DTX4: variants seen among roughly 807,000 people sequenced by gnomAD.
DTX4 encodes deltex E3 ubiquitin ligase 4.
DTX4 carries 28 observed loss-of-function variants against 57.6 expected under a neutral mutation model. That is an observed-to-expected ratio of 0.49 (90% CI 0.36 to 0.67). The LOEUF (loss-of-function observed/expected upper bound fraction) is 0.67, where lower values mean the gene tolerates loss of function less well. Ranked by LOEUF, DTX4 falls within the 30% of genes least tolerant of loss-of-function variation. DTX4 has a pLI of 0.00. For missense variants in DTX4, 715 were observed against 836.8 expected (o/e 0.85, Z 1.80); for synonymous variants, 316 against 331.0 (o/e 0.95, Z 0.49).
intron 4 of DTX4, 113 bp downstream of exon 4, chr11:59,189,436 T>A: frequency 9.2e-7 from 1 of 1,092,850 alleles, no homozygotes; most frequent in Non-Finnish European, 1.3e-6. Flanking sequence ...GTGCCTCAAT[T>A]TCTGCATCTG....
rs372682350 is a variant in DTX4 at position 59,182,303 on chromosome 11, G to A, written c.776G>A (p.Arg259Gln). ...AAGACCGCCCCATCGCAGGTGATCC[G>A]GAGACAAGCCTCCAGCATGCCCACT... ...PLKTAPSQVIRRQASSMPTGT... is the reference protein window; with the variant it reads ...PLKTAPSQVIQRQASSMPTGT... The change falls in exon 2 of 9, where the codon CGG (arginine) becomes CAG (glutamine). Residue 259 changes from arginine (R) to glutamine (Q), a missense_variant. Arg to Gln is a conservative substitution (Grantham distance 43, BLOSUM62 1). Coordinates refer to ENST00000227451, the MANE Select transcript of DTX4 (RefSeq NM_015177.2). 73 of 1,612,292 alleles carry A rather than the reference G, an allele frequency of 4.5e-5. No homozygotes were observed. Among genetic ancestry groups the A allele is most frequent in the Non-Finnish European group, 5.5e-5 (65 of 1,179,800 alleles).
intron 6 of DTX4, 89 bp from the exon 7 acceptor site, chr11:59,195,119 C>T: frequency 1.6e-6 from 2 of 1,223,202 alleles, no homozygotes; most frequent in Non-Finnish European, 2.4e-6. Context: ...TTCCCCTGGC[C>T]CTTCATCTCT....
intron 8 of DTX4, 58 bp from the exon 9 acceptor site, chr11:59,204,618 G>A: frequency 1.3e-6 from 2 of 1,484,340 alleles, no homozygotes; most frequent in Non-Finnish European, 1.8e-6. Context: ...CCGTCCAAGG[G>A]ATAGTCTTTG....
Position 59,189,262 on chromosome 11 carries a change from A to T in DTX4, c.1098A>T (p.Ile366=), listed in dbSNP as rs370663171. 1.6e-4 allele frequency: 264 copies of T among 1,600,122 alleles called. 1 individual carries two copies. The highest frequency in any genetic ancestry group is 1.3e-4 in the Non-Finnish European group (147 of 1,173,680). The change falls in exon 4 of 9, where the codon ATA becomes ATT. Residue 366 remains isoleucine, a synonymous_variant. Coordinates refer to ENST00000227451, the MANE Select transcript of DTX4 (RefSeq NM_015177.2). Reference sequence around the variant, plus strand: ...CACCCCCCGTCAGCAAGAGTGAAATAAAATCCATCCCAGGGGTTTCCAACA... The same window carrying T: ...CACCCCCCGTCAGCAAGAGTGAAATTAAATCCATCCCAGGGGTTTCCAACA... ...LHPPPVSKSE[I]KSIPGVSNTS...
chr11:59,187,470 A>T (rs1393590091), intron 2 of DTX4, among the ~76,000 whole-genome samples: 1 of 152,256 alleles, frequency 6.6e-6, no homozygotes, highest in Non-Finnish European at 1.5e-5. Context: ...GCCATGAGCC[A>T]TGTGTTCACT....
chr11:59,199,502 A>G (rs1862714623), intron 7 of DTX4, among the ~76,000 whole-genome samples, 182 bp from the exon 8 acceptor site: 1 of 152,200 alleles, frequency 6.6e-6, no homozygotes, highest in African/African-American at 2.4e-5. Flanking sequence ...ATCCAAACCC[A>G]GGTCTAAGGA....
intron 8 of DTX4, among the ~76,000 whole-genome samples, chr11:59,203,440 C>T (rs1862763560): frequency 6.6e-6 from 1 of 151,786 alleles, no homozygotes; most frequent in Admixed American, 6.6e-5. Context: ...CGAACATATA[C>T]CTTAGCCTTG....
At chr11:59,174,409 T>A (rs1237728579) in intron 1 of DTX4, among the ~76,000 whole-genome samples, 4 of 140,806 alleles carry the variant, frequency 2.8e-5, no homozygotes, top group African/African-American at 1.1e-4. Flanking sequence ...GTGGAGGGGG[T>A]GTGTGTTGGG....
intron 1 of DTX4, among the ~76,000 whole-genome samples, chr11:59,173,766 A>T (rs1862359424): frequency 1.4e-5 from 2 of 148,146 alleles, no homozygotes; most frequent in African/African-American, 2.5e-5. Context: ...AGCCTCCAGG[A>T]TGGGGCCTTG....
intron 8 of DTX4, among the ~76,000 whole-genome samples, chr11:59,202,407 A>G (rs1461604997): frequency 1.3e-5 from 2 of 152,256 alleles, no homozygotes; most frequent in Admixed American, 1.3e-4. Context: ...TTGCATCTGT[A>G]TGGACAGGAT....
chr11:59,199,995 G>A (rs1862721472), intron 8 of DTX4, among the ~76,000 whole-genome samples: 1 of 152,156 alleles, frequency 6.6e-6, no homozygotes, highest in East Asian at 1.9e-4. Context: ...TTTAGTTTGT[G>A]TATTAGCCTG....
chr11:59,175,121 A>G (rs746684900), intron 1 of DTX4, among the ~76,000 whole-genome samples: 1 of 152,204 alleles, frequency 6.6e-6, no homozygotes, highest in East Asian at 1.9e-4. Flanking sequence ...TGATGAGGCC[A>G]TGACAGGGTA....
intron 8 of DTX4, among the ~76,000 whole-genome samples, chr11:59,201,678 G>A (rs1862742183): frequency 6.6e-6 from 1 of 152,230 alleles, no homozygotes; most frequent in Non-Finnish European, 1.5e-5. Context: ...GAGAAGATGT[G>A]CGAGTGCAGT....
chr11:59,205,032 C>T lies in DTX4; in HGVS notation c.*123C>T, dbSNP rs1862788025. ...CAACTTTCTATCCTCCCCTCCTGCC[C>T]TGTGTCCATCCCTCATCCCTCCCAA... On this transcript the variant is annotated 3_prime_UTR_variant, in exon 9 of 9. Coordinates refer to ENST00000227451, the MANE Select transcript of DTX4 (RefSeq NM_015177.2). 3.7e-6 allele frequency: 3 copies of T among 803,394 alleles called. No individual in the cohort carries two copies. The highest frequency in any genetic ancestry group is 3.4e-5 in the African/African-American group (2 of 58,362). The allele number at this position is 803,394 out of a possible 1,614,324, so 49.8% of individuals were successfully genotyped here. A position where few individuals can be genotyped will look rare whatever the true frequency, so the allele number is the denominator to read the frequency against.
rs534288664 is a variant in DTX4 at position 59,191,887 on chromosome 11, G to A, written c.1222-211G>A. ...TCACGATTATGATAATTTAGATGAT[G>A]AGCCCAAGTTAATCAGTACCAGGAA... On this transcript the variant is annotated intron_variant, in intron 5 of 8. Transcript: ENST00000227451. Among the ~76,000 whole-genome samples, 3 of 152,298 alleles carry A rather than the reference G, an allele frequency of 2.0e-5. No homozygotes were observed. In the South Asian group the frequency reaches 6.2e-4, roughly 32 times the overall value.
chr11:59,187,220 C>G (rs1446137201), intron 2 of DTX4, among the ~76,000 whole-genome samples: 1 of 152,220 alleles, frequency 6.6e-6, no homozygotes, highest in Non-Finnish European at 1.5e-5. Context: ...ACACAAGAGC[C>G]TGGCATAGTA....
intron 1 of DTX4, among the ~76,000 whole-genome samples, chr11:59,173,390 C>T (rs1252263624): frequency 2.6e-5 from 4 of 152,156 alleles, no homozygotes; most frequent in Non-Finnish European, 5.9e-5. Flanking sequence ...GTAAGGGAAG[C>T]GCCGGGCTCC....
At chr11:59,177,588 C>T (rs574361425) in intron 1 of DTX4, among the ~76,000 whole-genome samples, 9 of 152,276 alleles carry the variant, frequency 5.9e-5, no homozygotes, top group Non-Finnish European at 1.2e-4. Context: ...CTCTCTGGCT[C>T]TAACATATCT....
intron 6 of DTX4, among the ~76,000 whole-genome samples, chr11:59,193,132 A>ACGT (rs148219283): frequency 0.043 from 6,614 of 152,190 alleles, 279 homozygotes; most frequent in African/African-American, 0.1. Flanking sequence ...TCTGGTCTAT[A>ACGT]CGTCTCTTAC....
Sources: gnomAD v4.1 joint callset for allele counts (sites outside exome capture counted in the v4.1 genomes callset) on GRCh38, gnomAD v4.1.1 for gene constraint, MANE v1.5 for transcripts, NCBI Gene and HGNC (gene_info 2026-07-23, HGNC 2026-07-21) for gene names.